CACNB4: variants seen among roughly 807,000 people sequenced by gnomAD.
CACNB4 encodes calcium voltage-gated channel auxiliary subunit beta 4, also known as voltage-dependent L-type calcium channel subunit beta-4.
In CACNB4, 32 loss-of-function variants were observed where a neutral mutation model predicts 71.2. The ratio of observed to expected loss-of-function variants is 0.45; its 90% CI spans 0.34 to 0.60. The LOEUF (loss-of-function observed/expected upper bound fraction) is 0.60, where lower values mean the gene tolerates loss of function less well. CACNB4 is among the 20% of genes least tolerant of loss of function. The pLI, the probability that CACNB4 is intolerant of heterozygous loss-of-function variation, is 0.01. For missense variants in CACNB4, 464 were observed against 647.9 expected (o/e 0.72, Z 3.08); for synonymous variants, 231 against 236.9 (o/e 0.97, Z 0.23).
Position 151,960,539 on chromosome 2 carries a change from G to A in CACNB4, c.148-77169C>T, listed in dbSNP as rs567681106. On this transcript the variant is annotated intron_variant, in intron 2 of 13. Coordinates refer to ENST00000539935, the MANE Select transcript of CACNB4 (RefSeq NM_000726.5). ...CACCACCATTGCGATCGGTCCCAGG[G>A]AGGGCAGTGAAGCAAAAGGCCACCA... Among the ~76,000 whole-genome samples, 413 of 152,318 alleles carry A rather than the reference G, an allele frequency of 2.7e-3. 18 individuals carry two copies. In the South Asian group the frequency reaches 0.079, roughly 29 times the overall value.
intron 2 of CACNB4, among the ~76,000 whole-genome samples, chr2:152,070,078 C>A (rs986041194): frequency 1.3e-5 from 2 of 152,044 alleles, no homozygotes; most frequent in Non-Finnish European, 2.9e-5. Context: ...CTCCTGACCT[C>A]GTGATCCGCC....
chr2:151,966,528 C>T (rs779600613), intron 2 of CACNB4, among the ~76,000 whole-genome samples: 8 of 152,170 alleles, frequency 5.3e-5, no homozygotes, highest in African/African-American at 7.2e-5. Flanking sequence ...ATCCACCCAC[C>T]TCAGCCTTCC....
chr2:152,051,459 AG>A (rs1267578356), intron 2 of CACNB4, among the ~76,000 whole-genome samples: 1 of 152,146 alleles, frequency 6.6e-6, no homozygotes, highest in Non-Finnish European at 1.5e-5. Context: ...CCTAATCTCC[AG>A]TGTGATGGCA....
chr2:152,054,963 TC>T (rs1378723697), intron 2 of CACNB4, among the ~76,000 whole-genome samples: 3 of 152,182 alleles, frequency 2.0e-5, no homozygotes, highest in African/African-American at 7.2e-5. Flanking sequence ...TAGACACAAG[TC>T]CCTTATCAGA....
chr2:152,029,550 GT>G (rs1459106800), intron 2 of CACNB4, among the ~76,000 whole-genome samples: 2 of 149,394 alleles, frequency 1.3e-5, no homozygotes, highest in African/African-American at 4.9e-5. Context: ...AGAGCCCAGA[GT>G]TTGCTCTCTC....
At position 151,971,358 on chromosome 2, in the gene CACNB4, G is replaced by C. The variant is rs563517494; in HGVS notation, c.148-87988C>G. On this transcript the variant is annotated intron_variant, in intron 2 of 13. Transcript: ENST00000539935. ...ACACCCCACAAAGACATTTTCAACA[G>C]CACAGAACGGTAGGACATATGCGGA... is the stretch of plus-strand genomic sequence containing the variant. 3.3e-5 allele frequency: 20 copies of C among 607,244 alleles called. No homozygotes were observed. The South Asian group carries it at 3.8e-4, about 11-fold the overall frequency. 37.6% of individuals were successfully genotyped at this position (607,244 alleles called of 1,614,324 possible).
chr2:152,020,081 T>A (rs1224946336), intron 2 of CACNB4, among the ~76,000 whole-genome samples: 2 of 152,224 alleles, frequency 1.3e-5, no homozygotes, highest in Non-Finnish European at 2.9e-5. Context: ...ATGTGTACAT[T>A]CCCAAATCAA....
At chr2:151,916,218 C>T (rs917707520) in intron 2 of CACNB4, among the ~76,000 whole-genome samples, 23 of 152,280 alleles carry the variant, frequency 1.5e-4, no homozygotes, top group Admixed American at 5.9e-4. Context: ...TTCCTGGATC[C>T]TTTCTTAAGG....
intron 9 of CACNB4, among the ~76,000 whole-genome samples, chr2:151,864,384 G>A: frequency 6.6e-6 from 1 of 152,134 alleles, no homozygotes. Context: ...ATCGTGAGTT[G>A]TATTAGTTTT....
At chr2:151,843,490 A>C (rs940337111) in intron 12 of CACNB4, among the ~76,000 whole-genome samples, 18 of 151,630 alleles carry the variant, frequency 1.2e-4, no homozygotes, top group African/African-American at 3.4e-4. Context: ...AACTTTTTTA[A>C]CTTTTTGTAG....
At position 151,954,850 on chromosome 2, in the gene CACNB4, C is replaced by CTTTTTTT. The variant is rs34054917; in HGVS notation, c.148-71487_148-71481dup. Among the ~76,000 whole-genome samples the CTTTTTTT allele has an allele frequency of 2.6e-4, 25 of 94,920 alleles. 1 individual carries two copies. Among genetic ancestry groups the CTTTTTTT allele is most frequent in the South Asian group, 3.6e-4 (1 of 2,812 alleles). 62.3% of individuals were successfully genotyped at this position (94,920 alleles called of 152,430 possible). ...CAGCATTTACTGTGACAAGTCAGCA[C>CTTTTTTT]TTTTTTTTTTTTTTTTTTTTTGAGA... On this transcript the variant is annotated intron_variant, in intron 2 of 13. Coordinates refer to ENST00000539935, the MANE Select transcript of CACNB4 (RefSeq NM_000726.5).
chr2:152,038,642 C>A (rs1019469484), intron 2 of CACNB4, among the ~76,000 whole-genome samples: 3 of 152,184 alleles, frequency 2.0e-5, no homozygotes, highest in African/African-American at 7.2e-5. Context: ...ACTTCCTTTT[C>A]CTCTTTCCAC....
At chr2:152,020,663 G>A (rs1335547271) in intron 2 of CACNB4, among the ~76,000 whole-genome samples, 1 of 152,158 alleles carries the variant, frequency 6.6e-6, no homozygotes, top group Non-Finnish European at 1.5e-5. Flanking sequence ...AGTTCTCAGA[G>A]GACAGGGAAA....
intron 2 of CACNB4, among the ~76,000 whole-genome samples, chr2:152,093,501 T>C (rs905028869): frequency 2.0e-5 from 3 of 152,100 alleles, no homozygotes; most frequent in South Asian, 2.1e-4. Flanking sequence ...GTTTTCTCTT[T>C]TGTTGCAACT....
chr2:152,024,616 C>T (rs904226689), intron 2 of CACNB4, among the ~76,000 whole-genome samples: 2 of 144,332 alleles, frequency 1.4e-5, no homozygotes, highest in African/African-American at 5.2e-5. Flanking sequence ...TAGTTGCTTA[C>T]TAACATAGCA....
chr2:151,969,810 C>T (rs1287923001), intron 2 of CACNB4: 4 of 152,160 alleles, frequency 2.6e-5, no homozygotes, highest in Non-Finnish European at 5.9e-5. Context: ...GTTATACATA[C>T]ATATTAAGTT....
intron 2 of CACNB4, among the ~76,000 whole-genome samples, chr2:151,913,781 A>AG (rs139385987): frequency 1.3e-5 from 2 of 151,006 alleles, no homozygotes; most frequent in African/African-American, 4.9e-5. Flanking sequence ...AAAAAAAAAA[A>AG]AGAGAATATT....
At chr2:151,856,296 A>G (rs1328752757) in intron 10 of CACNB4, among the ~76,000 whole-genome samples, 13 of 151,972 alleles carry the variant, frequency 8.6e-5, no homozygotes, top group Non-Finnish European at 1.8e-4. Flanking sequence ...TTTGATTTTC[A>G]GAGAAATTGA....
intron 3 of CACNB4, 64 bp from the exon 4 acceptor site, chr2:151,880,986 A>C (rs2099847675): frequency 1.4e-6 from 2 of 1,464,890 alleles, no homozygotes; most frequent in Non-Finnish European, 1.8e-6. Flanking sequence ...TTTCATATTG[A>C]AACTCTGATA....
Sources: gnomAD v4.1 joint callset for allele counts (sites outside exome capture counted in the v4.1 genomes callset) on GRCh38, gnomAD v4.1.1 for gene constraint, MANE v1.5 for transcripts, NCBI Gene and HGNC (gene_info 2026-07-23, HGNC 2026-07-21) for gene names.